CFAP44: variants seen among roughly 807,000 people sequenced by gnomAD.
CFAP44 encodes cilia and flagella associated protein 44, also known as cilia- and flagella-associated protein 44.
A neutral mutation model predicts 216.2 loss-of-function variants in CFAP44; 134 were observed. That is an observed-to-expected ratio of 0.62 (90% CI 0.54 to 0.72). The LOEUF is 0.72. CFAP44 is among the 30% of genes least tolerant of loss of function. CFAP44 has a pLI of 0.00. For missense variants in CFAP44, 2,035 were observed against 2,182.1 expected (o/e 0.93, Z 1.34); for synonymous variants, 700 against 727.6 (o/e 0.96, Z 0.61).
chr3:113,334,134 T>G (rs1260604874), intron 24 of CFAP44, among the ~76,000 whole-genome samples: 1 of 152,078 alleles, frequency 6.6e-6, no homozygotes, highest in African/African-American at 2.4e-5. Flanking sequence ...GTATTTTTAG[T>G]AGAGACGGGG....
intron 21 of CFAP44, chr3:113,360,486 G>T (rs1383305739): frequency 1.7e-5 from 4 of 228,828 alleles, no homozygotes; most frequent in Non-Finnish European, 3.0e-5. Flanking sequence ...TTGCCAACAT[G>T]AGTTTGGTAG....
chr3:113,338,477 C>T (rs920083601), intron 24 of CFAP44, among the ~76,000 whole-genome samples: 4 of 151,868 alleles, frequency 2.6e-5, no homozygotes, highest in African/African-American at 9.7e-5. Context: ...AGAGTCATGT[C>T]ACTAAAAATA....
At chr3:113,367,991 T>C (rs1333153777) in intron 18 of CFAP44, among the ~76,000 whole-genome samples, 1 of 152,142 alleles carries the variant, frequency 6.6e-6, no homozygotes, top group African/African-American at 2.4e-5. Context: ...AGGATATCAG[T>C]GATTGAAGAT....
In CFAP44 at chr3:113,349,455, C is replaced by T. The variant is rs187448479; in HGVS notation, c.3066-4743G>A. On this transcript the variant is annotated intron_variant, in intron 22 of 34. Transcript: ENST00000393845. ...ATCAGAGAAAGGCCGCAGGCTTAGTCATGGCCCTCAGACAAACCTCGGTGG... is the reference window on the plus strand; with the variant it reads ...ATCAGAGAAAGGCCGCAGGCTTAGTTATGGCCCTCAGACAAACCTCGGTGG... 1.6e-3 allele frequency among the ~76,000 whole-genome samples: 248 copies of T among 152,298 alleles called. 1 individual carries two copies. The Middle Eastern group carries it at 0.02, about 13-fold the overall frequency.
At chr3:113,392,691 T>C (rs79682796) in intron 15 of CFAP44, among the ~76,000 whole-genome samples, 1 of 151,534 alleles carries the variant, frequency 6.6e-6, no homozygotes, top group African/African-American at 2.4e-5. Flanking sequence ...ATATCTACCA[T>C]GTATCCACAA....
chr3:113,327,583 C>A, intron 27 of CFAP44, 33 bp downstream of exon 27: 3 of 1,515,104 alleles, frequency 2.0e-6, no homozygotes, highest in South Asian at 1.2e-5. Context: ...AACTAAGGGA[C>A]CAGCCAGCTA....
At chr3:113,351,193 C>T (rs935480260) in intron 22 of CFAP44, among the ~76,000 whole-genome samples, 18 of 152,156 alleles carry the variant, frequency 1.2e-4, no homozygotes, top group African/African-American at 4.1e-4. Context: ...TGAACGAGAT[C>T]TTATTAATAG....
At chr3:113,317,085 A>G (rs1220047582) in intron 28 of CFAP44, among the ~76,000 whole-genome samples, 1 of 152,166 alleles carries the variant, frequency 6.6e-6, no homozygotes. Context: ...GTAACCAAAC[A>G]CCAAGGCTCT....
rs961548554 is a variant in CFAP44, at chr3:113,289,062, C to G, written c.*2495G>C. On this transcript the variant is annotated 3_prime_UTR_variant, in exon 35 of 35. Transcript: ENST00000393845. Reference sequence around the variant, plus strand: ...GGGAAGTGTGCCAGGAGCAGGATAGCTTCCCAGCCACCCTGCCCATGCCAC... The same window carrying G: ...GGGAAGTGTGCCAGGAGCAGGATAGGTTCCCAGCCACCCTGCCCATGCCAC... 1.3e-5 allele frequency: 2 copies of G among 152,180 alleles called. No individual in the cohort carries two copies. The highest frequency in any genetic ancestry group is 4.8e-5 in the African/African-American group (2 of 41,448). The allele number at this position is 152,180 out of a possible 1,614,324, so 9.4% of individuals were successfully genotyped here. A position where few individuals can be genotyped will look rare whatever the true frequency, so the allele number is the denominator to read the frequency against.
chr3:113,333,185 T>G (rs1466159316), intron 25 of CFAP44, among the ~76,000 whole-genome samples: 1 of 152,204 alleles, frequency 6.6e-6, no homozygotes, highest in African/African-American at 2.4e-5. Context: ...TTCTTCCATA[T>G]TAGCTGACTA....
intron 20 of CFAP44, 28 bp from the exon 21 acceptor site, chr3:113,363,335 AG>A: frequency 2.5e-6 from 4 of 1,587,402 alleles, no homozygotes; most frequent in Non-Finnish European, 3.4e-6. Context: ...AAACAATAAC[AG>A]GTTGTGATAC....
chr3:113,415,168 C>T (rs112685944), intron 6 of CFAP44, among the ~76,000 whole-genome samples: 37,434 of 152,030 alleles, frequency 0.25, 5,369 homozygotes, highest in East Asian at 0.58. Context: ...CTATGGTATT[C>T]TCTGATGGTA....
At chr3:113,394,841 G>C (rs900635064) in intron 15 of CFAP44, among the ~76,000 whole-genome samples, 1 of 152,112 alleles carries the variant, frequency 6.6e-6, no homozygotes, top group African/African-American at 2.4e-5. Flanking sequence ...GACAAGCTTG[G>C]TCTACACCAT....
chr3:113,413,449 C>T (rs999613395), intron 6 of CFAP44, among the ~76,000 whole-genome samples: 1 of 152,100 alleles, frequency 6.6e-6, no homozygotes, highest in African/African-American at 2.4e-5. Flanking sequence ...TTGCCCATGC[C>T]TATGTCCTGA....
intron 29 of CFAP44, among the ~76,000 whole-genome samples, 197 bp downstream of exon 29, chr3:113,307,961 C>T (rs1950002315): frequency 1.3e-5 from 2 of 152,210 alleles, no homozygotes; most frequent in Middle Eastern, 3.2e-3. Flanking sequence ...CCCTGGGTGA[C>T]ACAGCTAAAC....
At chr3:113,305,281 T>C (rs1949974494) in intron 30 of CFAP44, 129 bp from the exon 31 acceptor site, 3 of 746,298 alleles carry the variant, frequency 4.0e-6, no homozygotes, top group Admixed American at 5.2e-5. Flanking sequence ...TGTGATTAAG[T>C]GCATGATCCC....
intron 26 of CFAP44, among the ~76,000 whole-genome samples, chr3:113,329,841 T>C (rs1341884505): frequency 2.6e-5 from 4 of 152,196 alleles, no homozygotes; most frequent in Non-Finnish European, 5.9e-5. Context: ...GTTCCATCCA[T>C]CATCTAAAAG....
At position 113,328,695 on chromosome 3, in the gene CFAP44, T is replaced by TAAAAAAAAAAAAAAAAAAAAAAAA. The variant is rs1950210721; in HGVS notation, c.4117-877_4117-876insTTTTTTTTTTTTTTTTTTTTTTTT. Among the ~76,000 whole-genome samples, 7 of 72,346 alleles carry TAAAAAAAAAAAAAAAAAAAAAAAA rather than the reference T, an allele frequency of 9.7e-5. 1 individual carries two copies. Among genetic ancestry groups the TAAAAAAAAAAAAAAAAAAAAAAAA allele is most frequent in the Non-Finnish European group, 1.2e-4 (4 of 34,570 alleles). 47.5% of individuals were successfully genotyped at this position (72,346 alleles called of 152,430 possible). The stretch of plus-strand genomic sequence containing the variant: ...AAACTACCAGAGAAATTTAGAGAGC[T>TAAAAAAAAAAAAAAAAAAAAAAAA]TAAAAAAAAAAAAAAAAAAAAAAAA... On this transcript the variant is annotated intron_variant, in intron 26 of 34. Transcript: ENST00000393845.
At chr3:113,360,761 G>C (rs1186689039) in intron 21 of CFAP44, 1 of 155,944 alleles carries the variant, frequency 6.4e-6, no homozygotes, top group East Asian at 1.9e-4. Context: ...GGACCAGAGG[G>C]GGCCAGCCTG....
Sources: allele counts gnomAD v4.1 joint callset (sites outside exome capture counted in the v4.1 genomes callset), GRCh38; gene constraint gnomAD v4.1.1; transcripts MANE v1.5; gene names NCBI Gene and HGNC (gene_info 2026-07-23, HGNC 2026-07-21).